The following ADGRB1 variants were observed in gnomAD, a reference collection of about 807,000 sequenced individuals.
ADGRB1 encodes brain-specific angiogenesis inhibitor 1.
In ADGRB1, 36 loss-of-function variants were observed where a neutral mutation model predicts 175.7. The observed-to-expected ratio is 0.20, with a 90% CI of 0.16 to 0.27. The LOEUF (loss-of-function observed/expected upper bound fraction) is 0.27. Among genes scored for constraint, ADGRB1 ranks in the 10% least tolerant of loss-of-function variants. The pLI is 1.00. For missense variants in ADGRB1, 1,731 were observed against 2,255.3 expected, an observed-to-expected ratio of 0.77 and a Z score of 4.71; for synonymous variants, 1,054 against 979.4, an observed-to-expected ratio of 1.08 and a Z score of -1.42.
chr8:142,449,924 G>T lies in ADGRB1; in HGVS notation c.-400G>T, dbSNP rs1373475867. ...GGGAGGGGGCCTGCGTGCGCCGGCG[G>T]GTGCTCTCCAGGGGGCGTCCCGGCG... On this transcript the variant is annotated 5_prime_UTR_variant, in exon 1 of 31. Transcript: ENST00000517894. 2 of 148,642 alleles carry T rather than the reference G, an allele frequency of 1.3e-5. No homozygotes were observed. The highest frequency in any genetic ancestry group is 4.9e-5 in the African/African-American group (2 of 40,896). The allele number at this position is 148,642 out of a possible 1,614,324, so 9.2% of individuals were successfully genotyped here. A position where few individuals can be genotyped will look rare whatever the true frequency, so the allele number is the denominator to read the frequency against.
At position 142,542,028 on chromosome 8, in the gene ADGRB1, A is replaced by C; in HGVS notation, c.3794A>C (p.Lys1265Thr). The change falls in exon 28 of 31, where the codon AAG becomes ACG. Residue 1265 changes from lysine to threonine, a missense_variant. Lys to Thr is a moderately conservative substitution (Grantham distance 78). This residue lies in a region of ADGRB1 where 301 missense variants were observed against 488.4 expected (regional missense o/e 0.62). Transcript: ENST00000517894. The surrounding 1 kb of genome is among the most constrained non-coding windows in gnomAD (Gnocchi z 6.3). ...RPSLPEEEKL[K>T]LAHAKGPPTN... ...TCTCTGCCCGAGGAGGAGAAGCTGA[A>C]GCTGGCCCATGCCAAGGGGCCGCCC... 6.2e-7 allele frequency: 1 copy of C among 1,609,310 alleles called. No homozygotes were observed. The highest frequency in any genetic ancestry group is 1.3e-5 in the African/African-American group (1 of 74,938).
rs1339953695 is a variant in ADGRB1, at chr8:142,464,586, T to G, written c.388T>G (p.Ser130Ala). Residue 130 changes from serine (S) to alanine (A), a missense_variant, in exon 2 of 31, where the codon TCC (serine) becomes GCC (alanine). By Grantham distance (99) the Ser-to-Ala change is moderately conservative (BLOSUM62 1). Around this residue, in one of 8 missense-constraint regions of ADGRB1, gnomAD observed 383 missense variants for 383.1 expected, o/e 1.00. Coordinates refer to ENST00000517894, the MANE Select transcript of ADGRB1 (RefSeq NM_001702.3). ...CGAGGTGCTGCGGCTCTGCGACCCC[T>G]CCGCACCCCTGGCCTTCCTGCAGGC... ...FDEVLRLCDP[S>A]APLAFLQASK... The G allele has an allele frequency of 3.3e-6, 5 of 1,533,184 alleles. No homozygotes were observed. The African/African-American group carries it at 5.6e-5, about 17-fold the overall frequency. 95.0% of individuals were successfully genotyped at this position (1,533,184 alleles called of 1,614,324 possible).
chr8:142,464,857 CG>C lies in ADGRB1; in HGVS notation c.662del (p.Gly221AlafsTer16). The C allele has an allele frequency of 6.6e-7, 1 of 1,520,674 alleles. No homozygotes were observed. The highest frequency in any genetic ancestry group is 8.8e-7 in the Non-Finnish European group (1 of 1,140,072). The allele number at this position is 1,520,674 out of a possible 1,614,324, so 94.2% of individuals were successfully genotyped here. A position where few individuals can be genotyped will look rare whatever the true frequency, so the allele number is the denominator to read the frequency against. Reference sequence around the variant, plus strand: ...CCCTGCGCCTGCCTGGGCGGCGAGGCGGGCGGCCCTGCCGCGGGACCCCTGG... The same window carrying C: ...CCCTGCGCCTGCCTGGGCGGCGAGGCGGCGGCCCTGCCGCGGGACCCCTGG... ...QTPCACLGGE[A>X]GGPAAGPLAP... is the part of the protein sequence containing the mutation. On this transcript the variant is annotated frameshift_variant, in exon 2 of 31. Coordinates refer to ENST00000517894, the MANE Select transcript of ADGRB1 (RefSeq NM_001702.3). LOFTEE classifies it high-confidence loss of function.
intron 24 of ADGRB1, among the ~76,000 whole-genome samples, chr8:142,529,692 C>CT (rs1844484636): frequency 1.6e-5 from 2 of 124,592 alleles, no homozygotes; most frequent in African/African-American, 4.2e-5. Flanking sequence ...GAGCGTGCAT[C>CT]GGTGTACCTG....
intron 17 of ADGRB1, among the ~76,000 whole-genome samples, chr8:142,500,283 C>T (rs1403873408): frequency 1.0e-4 from 9 of 87,048 alleles, no homozygotes; most frequent in African/African-American, 1.9e-4. Context: ...GCTCCTCCAC[C>T]TCCCCACGCG....
In ADGRB1 at chr8:142,489,346, G is replaced by A. The variant is rs371147537; in HGVS notation, c.2539G>A (p.Val847Ile). ...SFLALQRNTT[V>I]LNSKVISVTV... ...CTCTGGCTCTTGCAGGAACACGACC[G>A]TCCTGAATTCTAAGGTGATCTCCGT... Residue 847 changes from valine to isoleucine, a missense_variant, in exon 16 of 31, where the codon GTC (valine) becomes ATC (isoleucine). Coordinates refer to ENST00000517894, the MANE Select transcript of ADGRB1 (RefSeq NM_001702.3). The A allele has an allele frequency of 1.9e-5, 31 of 1,612,868 alleles. No homozygotes were observed. The highest frequency in any genetic ancestry group is 1.7e-4 in the Middle Eastern group (1 of 6,060).
intron 18 of ADGRB1, among the ~76,000 whole-genome samples, chr8:142,517,385 C>A (rs1042762339): frequency 3.9e-5 from 6 of 152,232 alleles, no homozygotes; most frequent in African/African-American, 1.2e-4. Flanking sequence ...CCCACACTCT[C>A]CTGCCTCTGA....
In ADGRB1 at chr8:142,492,980, C is replaced by T. The variant is rs1278687211; in HGVS notation, c.2675+2165C>T. Reference sequence around the variant, plus strand: ...TGCGCCCTGGTTCACTCAACCAGCCCCTGCTGGTGGCCTTCAGGAGCCTTC... The same window carrying T: ...TGCGCCCTGGTTCACTCAACCAGCCTCTGCTGGTGGCCTTCAGGAGCCTTC... On this transcript the variant is annotated intron_variant, in intron 17 of 30. Transcript: ENST00000517894. This position sits in a 1 kb window ranked among gnomAD's most constrained non-coding sequence, Gnocchi z 4.4. Among the ~76,000 whole-genome samples, 1 of 152,048 alleles carries T rather than the reference C, an allele frequency of 6.6e-6. No individual in the cohort carries two copies. The highest frequency in any genetic ancestry group is 1.5e-5 in the Non-Finnish European group (1 of 67,976).
At chr8:142,468,560 G>A (rs1233269527) in intron 2 of ADGRB1, among the ~76,000 whole-genome samples, 5 of 152,180 alleles carry the variant, frequency 3.3e-5, no homozygotes, top group Admixed American at 3.3e-4. Flanking sequence ...AGTAGTAATA[G>A]TCATTTATTG....
At position 142,455,938 on chromosome 8, in the gene ADGRB1, A is replaced by C. The variant is rs1018292117; in HGVS notation, c.-220+5834A>C. Among the ~76,000 whole-genome samples the C allele has an allele frequency of 2.0e-5, 3 of 152,020 alleles. No homozygotes were observed. The highest frequency in any genetic ancestry group is 7.3e-5 in the African/African-American group (3 of 41,366). On this transcript the variant is annotated intron_variant, in intron 1 of 30. Transcript: ENST00000517894. The surrounding 1 kb of genome is among the most constrained non-coding windows in gnomAD (Gnocchi z 4.9). The stretch of plus-strand genomic sequence containing the variant: ...GGGTGGCCCTACCTGCCTGTCCCGG[A>C]GAGTGCCAGAGCGTCCAGGGTAGCG...
intron 17 of ADGRB1, among the ~76,000 whole-genome samples, chr8:142,502,662 A>ATGCTGGGGC (rs150118167): frequency 0.85 from 125,615 of 148,450 alleles, 53,524 homozygotes; most frequent in African/African-American, 0.96. Context: ...GGTGATGGTG[A>ATGCTGGGGC]TGGTGGTAGT....
chr8:142,495,831 G>A (rs1444747633), intron 17 of ADGRB1, among the ~76,000 whole-genome samples: 1 of 151,550 alleles, frequency 6.6e-6, no homozygotes, highest in Non-Finnish European at 1.5e-5. Flanking sequence ...CGTAGGTTCT[G>A]GGGGTTAGGA....
intron 1 of ADGRB1, among the ~76,000 whole-genome samples, chr8:142,462,456 G>A (rs1480432238): frequency 4.6e-5 from 7 of 152,360 alleles, no homozygotes; most frequent in Middle Eastern, 3.4e-3. Flanking sequence ...GCAGTCAGGA[G>A]CACAGCCCAA....
intron 23 of ADGRB1, among the ~76,000 whole-genome samples, chr8:142,525,710 A>T (rs867615483): frequency 2.0e-5 from 3 of 152,138 alleles, no homozygotes; most frequent in Non-Finnish European, 4.4e-5. Context: ...TGGACGTGAA[A>T]TGCCTGGTCA....
chr8:142,501,885 ATGGTGAGGG>A (rs1842576383), intron 17 of ADGRB1, among the ~76,000 whole-genome samples: 1 of 10,440 alleles, frequency 9.6e-5, no homozygotes, highest in Non-Finnish European at 1.7e-4. Flanking sequence ...GGTGGTGGTG[ATGGTGAGGG>A]TGATGTGGTG....
In ADGRB1 at chr8:142,477,410, G is replaced by A. The variant is rs202175413; in HGVS notation, c.1248G>A (p.Ser416=). ...TGCATGGTGCCTGGGATGAGTGGTC[G>A]CCCTGGAGCCTCTGCTCCAGCACCT... ...CPVHGAWDEW[S]PWSLCSSTCG... The change falls in exon 6 of 31, where the codon TCG becomes TCA. Residue 416 remains serine, a synonymous_variant. Coordinates refer to ENST00000517894, the MANE Select transcript of ADGRB1 (RefSeq NM_001702.3). The A allele has an allele frequency of 8.9e-5, 143 of 1,609,412 alleles. No individual in the cohort carries two copies. Among genetic ancestry groups the A allele is most frequent in the Non-Finnish European group, 1.0e-4 (122 of 1,179,686 alleles).
intron 17 of ADGRB1, among the ~76,000 whole-genome samples, chr8:142,498,043 C>T (rs1842305654): frequency 6.6e-6 from 1 of 152,186 alleles, no homozygotes; most frequent in Non-Finnish European, 1.5e-5. Flanking sequence ...TGCCCTTACC[C>T]AGGCCCTCTT....
chr8:142,528,609 GCCGATGCCACCT>G (rs1468728793), intron 24 of ADGRB1, among the ~76,000 whole-genome samples: 2 of 151,852 alleles, frequency 1.3e-5, no homozygotes, highest in Non-Finnish European at 2.9e-5. Flanking sequence ...CCTCTCTGCC[GCCGATGCCACCT>G]CCGACGCCAC....
At chr8:142,454,042 C>T (rs771821458) in intron 1 of ADGRB1, among the ~76,000 whole-genome samples, 15 of 152,178 alleles carry the variant, frequency 9.9e-5, no homozygotes, top group Non-Finnish European at 2.2e-4. Flanking sequence ...GGCCCATGTT[C>T]TGGGAGCTGC....
Sources: allele counts gnomAD v4.1 joint callset (sites outside exome capture counted in the v4.1 genomes callset), GRCh38; gene constraint gnomAD v4.1.1; regional missense constraint gnomAD v4.1.1; non-coding constraint Gnocchi (gnomAD v3.1); transcripts MANE v1.5; gene names NCBI Gene and HGNC (gene_info 2026-07-23, HGNC 2026-07-21).